COPG2: variants seen among roughly 807,000 people sequenced by gnomAD.
COPG2 encodes coat protein complex I subunit gamma 2, also known as coatomer subunit gamma-2.
Under a neutral mutation model 46.3 loss-of-function variants are expected in COPG2, and 37 were observed. The ratio of observed to expected loss-of-function variants is 0.80; its 90% confidence interval spans 0.61 to 1.05. The LOEUF (loss-of-function observed/expected upper bound fraction) is 1.05, where lower values mean the gene tolerates loss of function less well. COPG2 is among the 50% of genes least tolerant of loss of function. COPG2 has a pLI of 0.00. For missense variants in COPG2, 427 were observed against 387.8 expected (o/e 1.10, Z -0.85); for synonymous variants, 159 against 129.7 (o/e 1.23, Z -1.53).
At chr7:130,668,050 T>A (rs1796124273) in intron 1 of COPG2, among the ~76,000 whole-genome samples, 4 of 152,076 alleles carry the variant, frequency 2.6e-5, no homozygotes. Context: ...CTTGGCATCT[T>A]CCCCATTTGC....
chr7:130,549,057 A>G (rs1159706983), intron 18 of COPG2, among the ~76,000 whole-genome samples: 2 of 148,648 alleles, frequency 1.3e-5, no homozygotes, highest in East Asian at 3.8e-4. Flanking sequence ...AAAAAAAAAA[A>G]AGAAAGTAAA....
chr7:130,661,478 T>C (rs1795977849), intron 4 of COPG2, among the ~76,000 whole-genome samples: 1 of 152,166 alleles, frequency 6.6e-6, no homozygotes, highest in South Asian at 2.1e-4. Flanking sequence ...ACAATACTCA[T>C]AGTGGTTCTG....
chr7:130,661,541 C>T (rs944890051), intron 4 of COPG2, among the ~76,000 whole-genome samples: 1 of 152,158 alleles, frequency 6.6e-6, no homozygotes, highest in African/African-American at 2.4e-5. Flanking sequence ...AAAAGAAGTC[C>T]TTAAAGATAT....
At position 130,509,447 on chromosome 7, in the gene COPG2, T is replaced by G. The variant is rs74652717; in HGVS notation, c.2150-788A>C. On this transcript the variant is annotated intron_variant, in intron 20 of 23. Coordinates refer to ENST00000425248, the MANE Select transcript of COPG2 (RefSeq NM_012133.6). Reference sequence around the variant, plus strand: ...TTGTCTATGGTCTGGAAAAAGCTTATAGGTACAAAAAATATTAGATATTGG... The same window carrying G: ...TTGTCTATGGTCTGGAAAAAGCTTAGAGGTACAAAAAATATTAGATATTGG... The G allele has an allele frequency of 1.6e-3, 618 of 383,668 alleles. 2 individuals carry two copies. The highest frequency in any genetic ancestry group is 9.4e-3 in the African/African-American group (448 of 47,408). 23.8% of individuals were successfully genotyped at this position (383,668 alleles called of 1,614,324 possible).
At chr7:130,620,272 C>T (rs1795016212) in intron 5 of COPG2, among the ~76,000 whole-genome samples, 1 of 152,018 alleles carries the variant, frequency 6.6e-6, no homozygotes. Flanking sequence ...GATACTTTAG[C>T]AAGCAAAAGA....
chr7:130,665,589 T>C (rs1796061128), intron 3 of COPG2, among the ~76,000 whole-genome samples: 1 of 152,162 alleles, frequency 6.6e-6, no homozygotes, highest in Admixed American at 6.5e-5. Context: ...GCACCAGGTA[T>C]TGTAATCTAG....
chr7:130,592,424 C>T (rs576557975), intron 9 of COPG2, among the ~76,000 whole-genome samples: 93 of 149,750 alleles, frequency 6.2e-4, no homozygotes, highest in Admixed American at 1.5e-3. Context: ...GTCCAAATTT[C>T]TCAAGGTAGT....
intron 9 of COPG2, 189 bp from the exon 10 acceptor site, chr7:130,564,582 A>G (rs1793773042): frequency 2.6e-6 from 1 of 388,916 alleles, no homozygotes; most frequent in South Asian, 1.4e-4. Context: ...GCAGAACTCT[A>G]AAAAATTAAT....
At position 130,668,733 on chromosome 7, in the gene COPG2, A is replaced by G; in HGVS notation, c.-65T>C. 2 of 1,489,752 alleles carry G rather than the reference A, an allele frequency of 1.3e-6. No individual in the cohort carries two copies. Among genetic ancestry groups the G allele is most frequent in the Non-Finnish European group, 1.8e-6 (2 of 1,114,902 alleles). 92.3% of individuals were successfully genotyped at this position (1,489,752 alleles called of 1,614,324 possible). ...CCCAGGCGCCGCAGCCGGCGAGCGGAAGAGGCTGCAGGAAGGCCGGCCCCG... is the reference window on the plus strand; with the variant it reads ...CCCAGGCGCCGCAGCCGGCGAGCGGGAGAGGCTGCAGGAAGGCCGGCCCCG... On this transcript the variant is annotated 5_prime_UTR_variant, in exon 1 of 24. Transcript: ENST00000425248.
chr7:130,543,497 T>A (rs1793377337), intron 20 of COPG2, among the ~76,000 whole-genome samples: 1 of 152,192 alleles, frequency 6.6e-6, no homozygotes, highest in African/African-American at 2.4e-5. Flanking sequence ...GAGATAGGTT[T>A]ATGAAGCGGA....
intron 9 of COPG2, among the ~76,000 whole-genome samples, chr7:130,590,638 C>A (rs1208257606): frequency 1.3e-5 from 2 of 152,036 alleles, no homozygotes; most frequent in African/African-American, 4.8e-5. Context: ...TGCCTTGGCC[C>A]CCCAAAGTGC....
intron 5 of COPG2, among the ~76,000 whole-genome samples, chr7:130,640,866 C>T (rs797033227): frequency 3.3e-5 from 5 of 152,214 alleles, no homozygotes; most frequent in African/African-American, 1.2e-4. Flanking sequence ...TTAACTCATG[C>T]AACACTTTTA....
chr7:130,536,749 C>T (rs1198806714), intron 20 of COPG2, among the ~76,000 whole-genome samples: 1 of 152,076 alleles, frequency 6.6e-6, no homozygotes, highest in African/African-American at 2.4e-5. Context: ...TGGATGTAGC[C>T]GAAAAGGCAC....
intron 9 of COPG2, among the ~76,000 whole-genome samples, chr7:130,582,439 A>C (rs1248398345): frequency 1.3e-5 from 2 of 151,580 alleles, no homozygotes; most frequent in African/African-American, 4.8e-5. Context: ...AGGCATGGGC[A>C]AGGATTTCAT....
At chr7:130,516,676 A>T (rs1348202686) in intron 20 of COPG2, among the ~76,000 whole-genome samples, 2 of 152,198 alleles carry the variant, frequency 1.3e-5, no homozygotes, top group African/African-American at 2.4e-5. Flanking sequence ...GCTAAATGGG[A>T]ATATTAGGAA....
intron 20 of COPG2, among the ~76,000 whole-genome samples, chr7:130,526,358 T>C (rs1398056736): frequency 3.3e-5 from 5 of 152,020 alleles, no homozygotes; most frequent in African/African-American, 4.8e-5. Context: ...GATGAAGCAA[T>C]AGGCCCTGGG....
intron 4 of COPG2, among the ~76,000 whole-genome samples, chr7:130,658,685 A>AT (rs782395728): frequency 0.01 from 1,493 of 146,970 alleles, 14 homozygotes; most frequent in Non-Finnish European, 0.016. Context: ...TGACAACCTG[A>AT]TTTTTTTTTT....
intron 20 of COPG2, among the ~76,000 whole-genome samples, chr7:130,540,641 T>A (rs1195865329): frequency 1.3e-5 from 2 of 151,838 alleles, no homozygotes; most frequent in African/African-American, 4.8e-5. Flanking sequence ...CCAGGCCTAA[T>A]GGGGGTGGGC....
intron 20 of COPG2, among the ~76,000 whole-genome samples, chr7:130,530,330 T>G: frequency 2.0e-5 from 3 of 150,410 alleles, no homozygotes; most frequent in South Asian, 2.1e-4. Flanking sequence ...GAGAAGGAAG[T>G]GGCGGGACTG....
Sources: gnomAD v4.1 joint callset for allele counts (sites outside exome capture counted in the v4.1 genomes callset) on GRCh38, gnomAD v4.1.1 for gene constraint, MANE v1.5 for transcripts, NCBI Gene and HGNC (gene_info 2026-07-23, HGNC 2026-07-21) for gene names.